The following CACNA2D1 variants were observed in gnomAD, a reference collection of about 807,000 sequenced individuals.
The protein encoded by CACNA2D1 is calcium voltage-gated channel auxiliary subunit alpha2delta 1.
CACNA2D1 carries 53 observed loss-of-function variants against 171.5 expected under a neutral mutation model. The observed-to-expected ratio is 0.31, with a 90% confidence interval of 0.25 to 0.39. The LOEUF (loss-of-function observed/expected upper bound fraction) is 0.39, where lower values mean the gene tolerates loss of function less well. CACNA2D1 is among the 10% of genes least tolerant of loss of function. The pLI is 1.00. For missense variants in CACNA2D1, 903 were observed against 1,299.8 expected (o/e 0.69, Z 4.69); for synonymous variants, 442 against 443.1 (o/e 1.00, Z 0.03).
intron 4 of CACNA2D1, among the ~76,000 whole-genome samples, chr7:82,150,294 C>CCA (rs1793712039): frequency 8.2e-6 from 1 of 121,478 alleles, no homozygotes; most frequent in South Asian, 2.8e-4. Context: ...AAAAAAAACA[C>CCA]CCTAGTAGCT....
At chr7:82,088,064 G>A (rs1216579185) in intron 6 of CACNA2D1, among the ~76,000 whole-genome samples, 1 of 152,058 alleles carries the variant, frequency 6.6e-6, no homozygotes, top group African/African-American at 2.4e-5. Context: ...TATGTGGGTA[G>A]AGTTTATTTA....
intron 3 of CACNA2D1, among the ~76,000 whole-genome samples, chr7:82,288,226 T>C (rs945295220): frequency 6.6e-6 from 1 of 152,086 alleles, no homozygotes; most frequent in Non-Finnish European, 1.5e-5. Flanking sequence ...GTATTAAAAC[T>C]TGTTTTGTTT....
chr7:82,392,015 G>A (rs914755233), intron 1 of CACNA2D1, among the ~76,000 whole-genome samples: 4 of 152,126 alleles, frequency 2.6e-5, no homozygotes, highest in South Asian at 2.1e-4. Context: ...CAGGTCCCTG[G>A]TGAAACCAGA....
chr7:82,149,823 G>A (rs1471704981), intron 4 of CACNA2D1, among the ~76,000 whole-genome samples: 1 of 151,602 alleles, frequency 6.6e-6, no homozygotes, highest in Non-Finnish European at 1.5e-5. Context: ...TGGGTGTGGT[G>A]GTAGGCGCCT....
chr7:82,408,320 C>A (rs1031176196), intron 1 of CACNA2D1, among the ~76,000 whole-genome samples: 1 of 152,066 alleles, frequency 6.6e-6, no homozygotes, highest in Non-Finnish European at 1.5e-5. Context: ...CAGTGCCTGG[C>A]CTTTCCTTTT....
intron 1 of CACNA2D1, among the ~76,000 whole-genome samples, chr7:82,365,528 A>G (rs1241598202): frequency 6.6e-6 from 1 of 152,240 alleles, no homozygotes; most frequent in Non-Finnish European, 1.5e-5. Context: ...ACATCCTTTC[A>G]TTGTGAGTAA....
chr7:82,266,136 T>C (rs540827210), intron 3 of CACNA2D1, among the ~76,000 whole-genome samples: 45 of 152,268 alleles, frequency 3.0e-4, no homozygotes, highest in African/African-American at 1.0e-3. Flanking sequence ...CACAAAAGCA[T>C]TTTTATTCAA....
intron 4 of CACNA2D1, among the ~76,000 whole-genome samples, chr7:82,148,842 G>A (rs964477774): frequency 4.6e-5 from 7 of 152,022 alleles, no homozygotes; most frequent in Admixed American, 3.9e-4. Flanking sequence ...TCACCATGTT[G>A]GCCAGGCTGG....
chr7:82,381,572 T>G (rs529515213), intron 1 of CACNA2D1, among the ~76,000 whole-genome samples: 1 of 152,296 alleles, frequency 6.6e-6, no homozygotes, highest in African/African-American at 2.4e-5. Context: ...TTTATTATTT[T>G]ACCCTTACCT....
chr7:82,407,625 C>CA (rs964670526), intron 1 of CACNA2D1, among the ~76,000 whole-genome samples: 3 of 151,312 alleles, frequency 2.0e-5, no homozygotes, highest in Non-Finnish European at 4.4e-5. Flanking sequence ...TGGAAAATTG[C>CA]AAAAATTATT....
chr7:82,301,678 T>C (rs1342707146), intron 3 of CACNA2D1, among the ~76,000 whole-genome samples: 2 of 151,816 alleles, frequency 1.3e-5, no homozygotes, highest in African/African-American at 4.8e-5. Context: ...TAAATTTTCT[T>C]ACATAAATAA....
intron 19 of CACNA2D1, among the ~76,000 whole-genome samples, chr7:81,995,515 T>C (rs1442600772): frequency 6.6e-6 from 1 of 152,040 alleles, no homozygotes; most frequent in Admixed American, 6.6e-5. Context: ...ATATGCAAGG[T>C]CGGCCAGGTG....
At position 82,060,210 on chromosome 7, in the gene CACNA2D1, TAATATATATATAATA is replaced by T. The variant is rs1562982112; in HGVS notation, c.879+203_879+217del. Among the ~76,000 whole-genome samples the T allele has an allele frequency of 9.5e-3, 321 of 33,954 alleles. 21 individuals carry two copies. The highest frequency in any genetic ancestry group is 0.033 in the African/African-American group (313 of 9,476). The allele number at this position is 33,954 out of a possible 152,430, so 22.3% of individuals were successfully genotyped here. ...ATATATTATATATATATTATATATATAATATATATATAATATATATATATAATATGTATAAAAAAC... is the reference window on the plus strand; with the variant it reads ...ATATATTATATATATATTATATATATTATATATATAATATGTATAAAAAAC... On this transcript the variant is annotated intron_variant, in intron 10 of 38. Transcript: ENST00000356860.
intron 3 of CACNA2D1, among the ~76,000 whole-genome samples, chr7:82,266,355 A>G (rs545088791): frequency 6.6e-6 from 1 of 152,280 alleles, no homozygotes; most frequent in Admixed American, 6.5e-5. Context: ...ATGCTTCTCT[A>G]AGTACTAGTG....
intron 4 of CACNA2D1, among the ~76,000 whole-genome samples, chr7:82,169,514 T>G (rs187140694): frequency 6.6e-6 from 1 of 152,160 alleles, no homozygotes. Flanking sequence ...GGAAGACTAT[T>G]ATATACATGA....
chr7:82,080,455 AC>A (rs1214762944), intron 7 of CACNA2D1, among the ~76,000 whole-genome samples: 1 of 152,180 alleles, frequency 6.6e-6, no homozygotes, highest in African/African-American at 2.4e-5. Flanking sequence ...GGGGAAGCTG[AC>A]TTTCCCATAT....
At chr7:82,133,795 G>C (rs142169834) in intron 5 of CACNA2D1, among the ~76,000 whole-genome samples, 1 of 152,082 alleles carries the variant, frequency 6.6e-6, no homozygotes, top group South Asian at 2.1e-4. Flanking sequence ...ATGCAGGGCC[G>C]GGCACGGTGG....
chr7:82,392,890 T>A (rs1173107498), intron 1 of CACNA2D1, among the ~76,000 whole-genome samples: 1 of 151,914 alleles, frequency 6.6e-6, no homozygotes, highest in Non-Finnish European at 1.5e-5. Flanking sequence ...ATAAATAAAT[T>A]TATTAGCCCT....
At chr7:82,384,719 G>T (rs931042253) in intron 1 of CACNA2D1, among the ~76,000 whole-genome samples, 9 of 152,162 alleles carry the variant, frequency 5.9e-5, no homozygotes, top group African/African-American at 1.7e-4. Context: ...AAATGCTAAG[G>T]ATAAAAGAAA....
Sources: allele counts gnomAD v4.1 joint callset (sites outside exome capture counted in the v4.1 genomes callset), GRCh38; gene constraint gnomAD v4.1.1; transcripts MANE v1.5; gene names NCBI Gene and HGNC (gene_info 2026-07-23, HGNC 2026-07-21).